DDR2: variants seen among roughly 807,000 people sequenced by gnomAD.
DDR2 encodes discoidin domain-containing receptor 2.
A neutral mutation model predicts 94.9 loss-of-function variants in DDR2; 27 were observed. That is an observed-to-expected ratio of 0.28 (90% CI 0.21 to 0.39). The LOEUF is 0.39. Among genes scored for constraint, DDR2 ranks in the 10% least tolerant of loss-of-function variants. The pLI, the probability that DDR2 is intolerant of heterozygous loss-of-function variation, is 1.00. For missense variants in DDR2, 783 were observed against 1,076.0 expected, an observed-to-expected ratio of 0.73 and a Z score of 3.81; for synonymous variants, 382 against 377.2, an observed-to-expected ratio of 1.01 and a Z score of -0.15.
chr1:162,718,777 C>T (rs565133060), intron 2 of DDR2, among the ~76,000 whole-genome samples: 16 of 152,226 alleles, frequency 1.1e-4, no homozygotes, highest in South Asian at 6.2e-4. Flanking sequence ...AGGAAAACTT[C>T]GTGTGTCTGA....
intron 9 of DDR2, among the ~76,000 whole-genome samples, chr1:162,762,148 T>G (rs1198008529): frequency 6.6e-6 from 1 of 152,212 alleles, no homozygotes; most frequent in Non-Finnish European, 1.5e-5. Flanking sequence ...TTGGTGAGTT[T>G]CTTTATTCTA....
intron 11 of DDR2, among the ~76,000 whole-genome samples, chr1:162,769,471 T>G (rs1019798243): frequency 1.3e-5 from 2 of 152,238 alleles, no homozygotes; most frequent in African/African-American, 4.8e-5. Flanking sequence ...GAGTACCTAC[T>G]TTGTTCTGAG....
At chr1:162,670,513 A>G (rs1242433946) in intron 2 of DDR2, among the ~76,000 whole-genome samples, 1 of 152,220 alleles carries the variant, frequency 6.6e-6, no homozygotes, top group Non-Finnish European at 1.5e-5. Flanking sequence ...TAATCGGTCT[A>G]CAGAACTTCT....
rs915705191 is a variant in DDR2 at position 162,755,543 on chromosome 1, C to T, written c.566-121C>T. 19 of 1,089,820 alleles carry T rather than the reference C, an allele frequency of 1.7e-5. No individual in the cohort carries two copies. In the Admixed American group the frequency reaches 1.9e-4, roughly 11 times the overall value. 67.5% of individuals were successfully genotyped at this position (1,089,820 alleles called of 1,614,324 possible). A position where few individuals can be genotyped will look rare whatever the true frequency, so the allele number is the denominator to read the frequency against. On this transcript the variant is annotated intron_variant, in intron 6 of 17. Coordinates refer to ENST00000367921, the MANE Select transcript of DDR2 (RefSeq NM_006182.4). Reference sequence around the variant, plus strand: ...GGGGCACTCCTCCAAAGTCTTCCCTCGGTGTCCAGATGGAGTCCTGCTGGA... The same window carrying T: ...GGGGCACTCCTCCAAAGTCTTCCCTTGGTGTCCAGATGGAGTCCTGCTGGA...
At chr1:162,649,293 T>G (rs1288800621) in intron 1 of DDR2, among the ~76,000 whole-genome samples, 3 of 152,182 alleles carry the variant, frequency 2.0e-5, no homozygotes, top group Non-Finnish European at 4.4e-5. Context: ...ACTTTTTGGA[T>G]CATGGAGCTC....
At chr1:162,677,416 A>G (rs1230788246) in intron 2 of DDR2, among the ~76,000 whole-genome samples, 1 of 152,140 alleles carries the variant, frequency 6.6e-6, no homozygotes, top group Non-Finnish European at 1.5e-5. Flanking sequence ...TTGTCAATGG[A>G]TTTAATAGCT....
intron 8 of DDR2, 30 bp from the exon 9 acceptor site, chr1:162,761,181 C>T (rs1480599233): frequency 6.2e-7 from 1 of 1,613,590 alleles, no homozygotes; most frequent in African/African-American, 1.3e-5. Context: ...CAGGGCCAAC[C>T]TATCACTCAC....
intron 2 of DDR2, among the ~76,000 whole-genome samples, chr1:162,711,478 C>G (rs564905965): frequency 8.5e-5 from 13 of 152,100 alleles, no homozygotes; most frequent in Non-Finnish European, 1.3e-4. Context: ...TGGGATATAC[C>G]CCTAGTTCTG....
chr1:162,668,374 T>A (rs1658681725), intron 2 of DDR2, among the ~76,000 whole-genome samples: 1 of 152,194 alleles, frequency 6.6e-6, no homozygotes, highest in Non-Finnish European at 1.5e-5. Context: ...ATAATGGATC[T>A]GACTGCTTTT....
At chr1:162,741,099 T>G (rs950916798) in intron 3 of DDR2, among the ~76,000 whole-genome samples, 82 of 151,630 alleles carry the variant, frequency 5.4e-4, no homozygotes, top group Admixed American at 4.6e-3. Context: ...AGGATGAGTA[T>G]CCCTTATCTA....
chr1:162,708,588 G>T (rs1454817244), intron 2 of DDR2, among the ~76,000 whole-genome samples: 1 of 152,184 alleles, frequency 6.6e-6, no homozygotes, highest in Non-Finnish European at 1.5e-5. Context: ...CCCCACAGAA[G>T]TGGCTGCCAC....
At chr1:162,763,336 CTTTTTTTTTTTTTTTTTTTTTTT>C (rs56323242) in intron 9 of DDR2, among the ~76,000 whole-genome samples, 959 of 56,608 alleles carry the variant, frequency 0.017, 30 homozygotes, top group East Asian at 0.087. Flanking sequence ...CCACGCCCGG[CTTTTTTTTTTTTTTTTTTTTTTT>C]TTTTTTTTTT....
In DDR2 at chr1:162,684,974, T is replaced by C. The variant is rs75405619; in HGVS notation, c.-28+29600T>C. ...GATGTGGATAACACTCAAACTTGAATTGGGACACAAGAACTTTTCCCTCTC... is the reference window on the plus strand; with the variant it reads ...GATGTGGATAACACTCAAACTTGAACTGGGACACAAGAACTTTTCCCTCTC... On this transcript the variant is annotated intron_variant, in intron 2 of 17. Transcript: ENST00000367921. Among the ~76,000 whole-genome samples, 1,435 of 152,258 alleles carry C rather than the reference T, an allele frequency of 9.4e-3. 32 individuals carry two copies. The highest frequency in any genetic ancestry group is 0.033 in the African/African-American group (1,350 of 41,534).
At chr1:162,679,787 G>GT (rs1659314823) in intron 2 of DDR2, among the ~76,000 whole-genome samples, 1 of 151,606 alleles carries the variant, frequency 6.6e-6, no homozygotes, top group African/African-American at 2.4e-5. Flanking sequence ...TTTCAACCTT[G>GT]CCAACATCTG....
chr1:162,751,719 T>C (rs1469352884), intron 3 of DDR2, among the ~76,000 whole-genome samples: 1 of 152,248 alleles, frequency 6.6e-6, no homozygotes, highest in Non-Finnish European at 1.5e-5. Context: ...GTGGCGCTAT[T>C]CACAATAGCA....
Position 162,778,590 on chromosome 1 carries a change from C to G in DDR2, c.2294C>G (p.Thr765Ser), listed in dbSNP as rs2102205983. ...SWESILLGKF[T>S]TASDVWAFGV... ...TCTTTACTTAAATAGGGCAAGTTCACTACAGCAAGTGATGTGTGGGCCTTT... is the reference window on the plus strand; with the variant it reads ...TCTTTACTTAAATAGGGCAAGTTCAGTACAGCAAGTGATGTGTGGGCCTTT... Residue 765 changes from threonine to serine, a missense_variant, in exon 17 of 18, where the codon ACT becomes AGT. Thr to Ser is a moderately conservative substitution (Grantham distance 58, BLOSUM62 1). This residue lies in a region of DDR2 where 264 missense variants were observed against 428.2 expected (regional missense o/e 0.62). Coordinates refer to ENST00000367921, the MANE Select transcript of DDR2 (RefSeq NM_006182.4). 6.2e-7 allele frequency: 1 copy of G among 1,614,016 alleles called. No individual in the cohort carries two copies.
chr1:162,719,090 G>T lies in DDR2; in HGVS notation c.27G>T (p.Leu9Phe), dbSNP rs1314157812. The T allele has an allele frequency of 6.2e-7, 1 of 1,613,864 alleles. No individual in the cohort carries two copies. The highest frequency in any genetic ancestry group is 2.2e-5 in the East Asian group (1 of 44,866). The change falls in exon 3 of 18, where the codon TTG becomes TTT. Residue 9 changes from leucine (L) to phenylalanine (F), a missense_variant. Leu to Phe is a conservative substitution (Grantham distance 22). Transcript: ENST00000367921. MILIPRML[L>F]VLFLLLPILS... ...TGATCCTGATTCCCAGAATGCTCTT[G>T]GTGCTGTTCCTGCTGCTGCCTATCT... is the stretch of plus-strand genomic sequence containing the variant.
chr1:162,693,966 C>T (rs1660070854), intron 2 of DDR2, among the ~76,000 whole-genome samples: 1 of 152,208 alleles, frequency 6.6e-6, no homozygotes, highest in Admixed American at 6.5e-5. Flanking sequence ...ACCTCTGCCT[C>T]CCAGGCTCAA....
chr1:162,785,798 C>T lies in DDR2; in HGVS notation c.*5552C>T, dbSNP rs1475822404. 2.0e-5 allele frequency: 3 copies of T among 152,078 alleles called. No homozygotes were observed. The highest frequency in any genetic ancestry group is 7.3e-5 in the African/African-American group (3 of 41,346). The allele number at this position is 152,078 out of a possible 1,614,324, so 9.4% of individuals were successfully genotyped here. A position where few individuals can be genotyped will look rare whatever the true frequency, so the allele number is the denominator to read the frequency against. ...AGACTTGTTCCTGGTGAAGTGCATT[C>T]TCTGTTTGTATACTTTTTGATGGAG... is the stretch of plus-strand genomic sequence containing the variant. On this transcript the variant is annotated 3_prime_UTR_variant, in exon 18 of 18. Coordinates refer to ENST00000367921, the MANE Select transcript of DDR2 (RefSeq NM_006182.4).
Sources: allele counts gnomAD v4.1 joint callset (sites outside exome capture counted in the v4.1 genomes callset), GRCh38; gene constraint gnomAD v4.1.1; regional missense constraint gnomAD v4.1.1; transcripts MANE v1.5; gene names NCBI Gene and HGNC (gene_info 2026-07-23, HGNC 2026-07-21).